IST1: variants seen among roughly 807,000 people sequenced by gnomAD.
IST1 encodes the protein IST1 homolog.
IST1 carries 23 observed loss-of-function variants against 37.0 expected under a neutral mutation model. The ratio of observed to expected loss-of-function variants is 0.62; its 90% CI spans 0.45 to 0.88. IST1 has a LOEUF of 0.88. Ranked by LOEUF, IST1 falls within the 40% of genes least tolerant of loss-of-function variation. IST1 has a pLI of 0.00. For missense variants in IST1, 488 were observed against 445.4 expected, an observed-to-expected ratio of 1.10 and a Z score of -0.86; for synonymous variants, 180 against 161.7, an observed-to-expected ratio of 1.11 and a Z score of -0.86.
chr16:71,894,595 G>C, upstream of IST1: 2 of 425,654 alleles, frequency 4.7e-6, no homozygotes, highest in Non-Finnish European at 4.3e-6. Flanking sequence ...ACGTGATCAC[G>C]GTTTACTGCA....
intron 1 of IST1, among the ~76,000 whole-genome samples, chr16:71,899,845 A>G (rs944328038): frequency 1.3e-5 from 2 of 152,126 alleles, no homozygotes; most frequent in Non-Finnish European, 2.9e-5. Flanking sequence ...AACACGGTGA[A>G]ACCCTGTCTC....
chr16:71,896,867 C>T (rs1275068931), intron 1 of IST1, among the ~76,000 whole-genome samples: 2 of 151,676 alleles, frequency 1.3e-5, no homozygotes, highest in Non-Finnish European at 2.9e-5. Flanking sequence ...GTCCAGGAGG[C>T]TGAGGTAGGA....
At chr16:71,916,754 A>G in intron 3 of IST1, 112 bp downstream of exon 3, 1 of 894,868 alleles carries the variant, frequency 1.1e-6, no homozygotes, top group South Asian at 1.9e-5. Context: ...TCTGCTGCCT[A>G]ACAGTTGCTG....
intron 9 of IST1, among the ~76,000 whole-genome samples, chr16:71,925,447 C>G (rs1028570680): frequency 2.0e-5 from 3 of 151,626 alleles, no homozygotes; most frequent in African/African-American, 2.4e-5. Context: ...TCTTGAGTAG[C>G]TGGGATTATA....
At chr16:71,926,100 G>A (rs948721793) in intron 9 of IST1, among the ~76,000 whole-genome samples, 1 of 151,984 alleles carries the variant, frequency 6.6e-6, no homozygotes, top group African/African-American at 2.4e-5. Flanking sequence ...TGGTCAACAT[G>A]GTGAAACCCT....
intron 1 of IST1, among the ~76,000 whole-genome samples, chr16:71,912,105 C>A (rs900562161): frequency 8.5e-5 from 13 of 152,138 alleles, no homozygotes; most frequent in African/African-American, 3.1e-4. Flanking sequence ...TCATCATGAT[C>A]AAGTTTAGAA....
At chr16:71,906,473 A>C (rs915079123) in intron 1 of IST1, among the ~76,000 whole-genome samples, 2 of 149,662 alleles carry the variant, frequency 1.3e-5, no homozygotes, top group African/African-American at 4.9e-5. Context: ...ACGCCCAGCT[A>C]ATTTTTTGTA....
Position 71,916,617 on chromosome 16 carries a change from C to T in IST1, c.244C>T (p.Arg82Trp), listed in dbSNP as rs769765817. ...LELYCDLLLA[R>W]FGLIQSMKEL... ...GCTGTACTGTGACCTGCTGCTGGCT[C>T]GGTTTGGCCTTATCCAGTCTATGAA... is the stretch of plus-strand genomic sequence containing the variant. The change falls in exon 3 of 10, where the codon CGG (arginine) becomes TGG (tryptophan). Residue 82 changes from arginine (R) to tryptophan (W), a missense_variant. By Grantham distance (101) the Arg-to-Trp change is moderately radical. Transcript: ENST00000378799. 2.5e-6 allele frequency: 4 copies of T among 1,613,844 alleles called. No individual in the cohort carries two copies. The highest frequency in any genetic ancestry group is 3.4e-6 in the Non-Finnish European group (4 of 1,179,844).
chr16:71,905,524 G>A (rs901357459), intron 1 of IST1, among the ~76,000 whole-genome samples: 13 of 151,064 alleles, frequency 8.6e-5, no homozygotes, highest in Admixed American at 2.0e-4. Context: ...GATTACAGGC[G>A]CCCACCACCA....
At chr16:71,901,806 AATAC>A (rs2037114852) in intron 1 of IST1, among the ~76,000 whole-genome samples, 1 of 152,256 alleles carries the variant, frequency 6.6e-6, no homozygotes, top group South Asian at 2.1e-4. Flanking sequence ...TAATTAACAT[AATAC>A]ATGAGCGACA....
At chr16:71,903,660 A>G (rs926844980) in intron 1 of IST1, 2 of 152,188 alleles carry the variant, frequency 1.3e-5, no homozygotes, top group Non-Finnish European at 1.5e-5. Context: ...CAGCCTCTCA[A>G]GTAGCTGAGG....
rs1487941718 is a variant in IST1, at chr16:71,928,611, G to A, written c.*798G>A. The stretch of plus-strand genomic sequence containing the variant: ...GGACAAGGTGCCATTCAAGTCCTAG[G>A]GTGGGCTTCCAGCTGCCTTAATAGA... On this transcript the variant is annotated 3_prime_UTR_variant, in exon 10 of 10. Transcript: ENST00000378799. The A allele has an allele frequency of 6.5e-6, 1 of 152,676 alleles. No homozygotes were observed. Among genetic ancestry groups the A allele is most frequent in the South Asian group, 2.1e-4 (1 of 4,830 alleles). The allele number at this position is 152,676 out of a possible 1,614,324, so 9.5% of individuals were successfully genotyped here.
chr16:71,915,433 C>T (rs959822465), intron 1 of IST1, among the ~76,000 whole-genome samples, 193 bp from the exon 2 acceptor site: 2 of 152,144 alleles, frequency 1.3e-5, no homozygotes, highest in African/African-American at 4.8e-5. Flanking sequence ...TTCCTGCTTC[C>T]AGTATTATCC....
intron 1 of IST1, among the ~76,000 whole-genome samples, chr16:71,906,002 CTT>C (rs35581900): frequency 2.8e-4 from 36 of 127,664 alleles, no homozygotes; most frequent in Admixed American, 3.2e-4. Context: ...TTAAGCAATT[CTT>C]TTTTTTTTTT....
At chr16:71,923,967 T>C (rs1597256947) in intron 8 of IST1, 1 of 362,756 alleles carries the variant, frequency 2.8e-6, no homozygotes, top group South Asian at 2.1e-5. Context: ...TTGAGACCTG[T>C]CTCCATCTAG....
chr16:71,905,239 T>C (rs1349297409), intron 1 of IST1, among the ~76,000 whole-genome samples: 10 of 152,058 alleles, frequency 6.6e-5, no homozygotes, highest in Admixed American at 6.6e-4. Flanking sequence ...TTTTACTATG[T>C]TGGCCAGGCT....
In IST1 at chr16:71,911,592, ATG is replaced by A. The variant is rs112908025; in HGVS notation, c.-15-4030_-15-4029del. Among the ~76,000 whole-genome samples, 5 of 152,100 alleles carry A rather than the reference ATG, an allele frequency of 3.3e-5. 1 individual carries two copies. The highest frequency in any genetic ancestry group is 1.2e-4 in the African/African-American group (5 of 41,478). ...TACTGCCATGTATCCCATAAAATAG[ATG>A]TGTCTTAATTTAATCAGTTTCTAAT... is the stretch of plus-strand genomic sequence containing the variant. On this transcript the variant is annotated intron_variant, in intron 1 of 9. Transcript: ENST00000378799.
In IST1 at chr16:71,928,195, G is replaced by A; in HGVS notation, c.*382G>A. The A allele has an allele frequency of 3.9e-6, 1 of 255,772 alleles. No homozygotes were observed. The highest frequency in any genetic ancestry group is 7.7e-6 in the Non-Finnish European group (1 of 129,744). The allele number at this position is 255,772 out of a possible 1,614,324, so 15.8% of individuals were successfully genotyped here. On this transcript the variant is annotated 3_prime_UTR_variant, in exon 10 of 10. Transcript: ENST00000378799. ...AGAGAGCACGTTGTGAAGCATCCCA[G>A]CCTCGTGTTGAGGTTCCAGACTTAG...
chr16:71,920,854 G>A (rs1348444650), intron 5 of IST1, 32 bp downstream of exon 5: 1 of 1,467,064 alleles, frequency 6.8e-7, no homozygotes, highest in Admixed American at 1.7e-5. Flanking sequence ...CATGAAGGCA[G>A]TGTGTGGGAG....
Sources: gnomAD v4.1 joint callset for allele counts (sites outside exome capture counted in the v4.1 genomes callset) on GRCh38, gnomAD v4.1.1 for gene constraint, MANE v1.5 for transcripts, NCBI Gene and HGNC (gene_info 2026-07-23, HGNC 2026-07-21) for gene names.